The following ADGRV1 variants were observed in gnomAD, a reference collection of about 807,000 sequenced individuals.
The protein encoded by ADGRV1 is adhesion G protein-coupled receptor V1.
ADGRV1 carries 359 observed loss-of-function variants against 596.2 expected under a neutral mutation model. That is an observed-to-expected ratio of 0.60 (90% CI 0.55 to 0.66). The LOEUF is 0.66. ADGRV1 is among the 30% of genes least tolerant of loss of function. The probability of loss-of-function intolerance (pLI) is 0.00; values close to 1 mark genes in which losing one functional copy is unlikely to be tolerated. For missense variants in ADGRV1, 7,274 were observed against 7,575.6 expected (o/e 0.96, Z 1.48); for synonymous variants, 2,681 against 2,679.2 (o/e 1.00, Z -0.02).
intron 89 of ADGRV1, among the ~76,000 whole-genome samples, chr5:91,161,879 A>G (rs1341286046): frequency 1.3e-5 from 2 of 152,228 alleles, no homozygotes; most frequent in Non-Finnish European, 2.9e-5. Flanking sequence ...CCTGATGGGC[A>G]GGCAGGAAGA....
chr5:90,712,487 G>C (rs535825000), intron 42 of ADGRV1, 59 bp downstream of exon 42: 70 of 1,248,616 alleles, frequency 5.6e-5, no homozygotes, highest in South Asian at 4.6e-4. Context: ...CCTTAATATG[G>C]GGGAAGATGT....
intron 85 of ADGRV1, among the ~76,000 whole-genome samples, chr5:90,992,431 G>A (rs1781047578): frequency 6.6e-6 from 1 of 152,158 alleles, no homozygotes; most frequent in Admixed American, 6.5e-5. Context: ...AATGTTTTGA[G>A]TTATATCTCT....
At chr5:90,889,181 G>A (rs1770572948) in intron 83 of ADGRV1, among the ~76,000 whole-genome samples, 1 of 152,114 alleles carries the variant, frequency 6.6e-6, no homozygotes, top group Admixed American at 6.6e-5. Flanking sequence ...TGTCCATTAA[G>A]TATTCTTGAA....
At chr5:91,055,611 C>A (rs900947334) in intron 85 of ADGRV1, among the ~76,000 whole-genome samples, 1 of 152,182 alleles carries the variant, frequency 6.6e-6, no homozygotes, top group Non-Finnish European at 1.5e-5. Context: ...TGCTCAAAGC[C>A]AGGGCTATCT....
intron 74 of ADGRV1, among the ~76,000 whole-genome samples, chr5:90,814,696 C>T (rs1240937221): frequency 6.6e-6 from 1 of 152,112 alleles, no homozygotes; most frequent in Non-Finnish European, 1.5e-5. Flanking sequence ...GCTGAGGCCT[C>T]CCCAGACATG....
intron 67 of ADGRV1, among the ~76,000 whole-genome samples, chr5:90,786,902 GT>G (rs1244122579): frequency 6.6e-6 from 1 of 152,198 alleles, no homozygotes; most frequent in African/African-American, 2.4e-5. Context: ...GTGTTGTGGG[GT>G]GGTCAGGGCT....
intron 79 of ADGRV1, among the ~76,000 whole-genome samples, chr5:90,852,047 A>G (rs1027235397): frequency 1.3e-5 from 2 of 152,148 alleles, no homozygotes; most frequent in African/African-American, 4.8e-5. Context: ...TTAAAAGATG[A>G]GATTTTGACA....
chr5:90,733,940 C>T (rs148326475), intron 50 of ADGRV1, among the ~76,000 whole-genome samples: 157 of 152,226 alleles, frequency 1.0e-3, no homozygotes, highest in African/African-American at 3.4e-3. Context: ...TGCTCTTCCC[C>T]GCCCTGGTGA....
intron 50 of ADGRV1, among the ~76,000 whole-genome samples, chr5:90,732,625 GC>G (rs1264924896): frequency 8.6e-5 from 13 of 152,042 alleles, no homozygotes; most frequent in Non-Finnish European, 1.9e-4. Context: ...TCACGCCCTG[GC>G]CCCTGGCAAG....
chr5:90,878,345 C>G (rs546763225), intron 83 of ADGRV1, among the ~76,000 whole-genome samples: 1 of 152,310 alleles, frequency 6.6e-6, no homozygotes, highest in Non-Finnish European at 1.5e-5. Flanking sequence ...CTGCCTAATC[C>G]TTGGAGGCCT....
In ADGRV1 at chr5:90,961,201, T is replaced by C. The variant is rs559033023; in HGVS notation, c.17857-4214T>C. ...GCAGGTAGAATTTGAGCTGGTCCTTTAAAAACTGACTAGTTTTGGCCGCGC... is the reference window on the plus strand; with the variant it reads ...GCAGGTAGAATTTGAGCTGGTCCTTCAAAAACTGACTAGTTTTGGCCGCGC... On this transcript the variant is annotated intron_variant, in intron 83 of 89. Transcript: ENST00000405460. Among the ~76,000 whole-genome samples the C allele has an allele frequency of 7.2e-5, 11 of 152,230 alleles. No homozygotes were observed. The South Asian group carries it at 1.7e-3, about 23-fold the overall frequency.
chr5:91,004,476 T>G lies in ADGRV1; in HGVS notation c.18152+18954T>G, dbSNP rs543694939. Among the ~76,000 whole-genome samples the G allele has an allele frequency of 2.6e-5, 4 of 152,260 alleles. No homozygotes were observed. In the South Asian group the frequency reaches 8.3e-4, roughly 32 times the overall value. ...TAAAATATCTTATTCATCTGATTTTTGGGGAACGCTTAGGGAAAGAAAGTG... is the reference window on the plus strand; with the variant it reads ...TAAAATATCTTATTCATCTGATTTTGGGGGAACGCTTAGGGAAAGAAAGTG... On this transcript the variant is annotated intron_variant, in intron 85 of 89. Coordinates refer to ENST00000405460, the MANE Select transcript of ADGRV1 (RefSeq NM_032119.4).
At chr5:90,790,724 T>C (rs141045539) in intron 69 of ADGRV1, 149 bp from the exon 70 acceptor site, 45 of 558,516 alleles carry the variant, frequency 8.1e-5, no homozygotes, top group African/African-American at 7.7e-4. Context: ...CCTTCCAAGC[T>C]AACATATACT....
intron 67 of ADGRV1, among the ~76,000 whole-genome samples, chr5:90,786,249 G>C (rs1023708824): frequency 2.2e-4 from 34 of 151,856 alleles, no homozygotes; most frequent in African/African-American, 7.5e-4. Context: ...GGGGCCTATT[G>C]GGGGGTGGGG....
In ADGRV1 at chr5:90,926,519, C is replaced by T. The variant is rs1416008287; in HGVS notation, c.17857-38896C>T. 4.6e-5 allele frequency among the ~76,000 whole-genome samples: 7 copies of T among 151,648 alleles called. No individual in the cohort carries two copies. The South Asian group carries it at 1.3e-3, about 27-fold the overall frequency. ...TTTATTGTGTCTATTTGATTCTTCTCTCTTTTTTTTCTTTATTAGTCTTGC... is the reference window on the plus strand; with the variant it reads ...TTTATTGTGTCTATTTGATTCTTCTTTCTTTTTTTTCTTTATTAGTCTTGC... On this transcript the variant is annotated intron_variant, in intron 83 of 89. Coordinates refer to ENST00000405460, the MANE Select transcript of ADGRV1 (RefSeq NM_032119.4).
intron 86 of ADGRV1, among the ~76,000 whole-genome samples, chr5:91,100,759 C>T (rs1440295410): frequency 6.6e-6 from 1 of 152,184 alleles, no homozygotes; most frequent in Non-Finnish European, 1.5e-5. Flanking sequence ...TGAACATCTT[C>T]AGTAACGGGA....
intron 31 of ADGRV1, among the ~76,000 whole-genome samples, chr5:90,691,390 T>TTC (rs1554084109): frequency 6.7e-6 from 1 of 149,334 alleles, no homozygotes; most frequent in Non-Finnish European, 1.5e-5. Flanking sequence ...TTTTCTTTTT[T>TTC]TTTTTTTTTT....
intron 42 of ADGRV1, among the ~76,000 whole-genome samples, chr5:90,714,772 C>T (rs1048794739): frequency 5.3e-5 from 8 of 152,090 alleles, no homozygotes. Flanking sequence ...TTCTATCCAT[C>T]TACCTATCAT....
At chr5:90,617,707 G>T in intron 2 of ADGRV1, 97 bp from the exon 3 acceptor site, 1 of 1,018,394 alleles carries the variant, frequency 9.8e-7, no homozygotes, top group Non-Finnish European at 1.4e-6. Flanking sequence ...AATGTCACTT[G>T]ATTTATGCTT....
Sources: allele counts gnomAD v4.1 joint callset (sites outside exome capture counted in the v4.1 genomes callset), GRCh38; gene constraint gnomAD v4.1.1; transcripts MANE v1.5; gene names NCBI Gene and HGNC (gene_info 2026-07-23, HGNC 2026-07-21).